The following CBLB variants were observed in gnomAD, a reference collection of about 807,000 sequenced individuals.
The protein encoded by CBLB is Cbl proto-oncogene B, also known as E3 ubiquitin-protein ligase CBL-B.
Under a neutral mutation model 104.9 loss-of-function variants are expected in CBLB, and 31 were observed. That is an observed-to-expected ratio of 0.30 (90% CI 0.22 to 0.40). The LOEUF is 0.40. Among genes scored for constraint, CBLB ranks in the 10% least tolerant of loss-of-function variants. The probability of loss-of-function intolerance (pLI) is 1.00; values close to 1 mark genes in which losing one functional copy is unlikely to be tolerated. For synonymous variants in CBLB, 440 were observed against 422.6 expected, an observed-to-expected ratio of 1.04 and a Z score of -0.51; for missense variants, 1,062 against 1,214.6, an observed-to-expected ratio of 0.87 and a Z score of 1.87.
At chr3:105,808,621 T>C (rs964498297) in intron 3 of CBLB, among the ~76,000 whole-genome samples, 4 of 152,204 alleles carry the variant, frequency 2.6e-5, no homozygotes, top group African/African-American at 9.6e-5. Context: ...CTGTTCCTTG[T>C]AGATAACAAA....
chr3:105,787,762 T>C (rs1247258334), intron 3 of CBLB, among the ~76,000 whole-genome samples: 2 of 152,222 alleles, frequency 1.3e-5, no homozygotes, highest in South Asian at 2.1e-4. Flanking sequence ...TTAGTATATT[T>C]GAAAGCCTTG....
At chr3:105,790,774 A>G (rs1482495374) in intron 3 of CBLB, among the ~76,000 whole-genome samples, 1 of 152,226 alleles carries the variant, frequency 6.6e-6, no homozygotes, top group Non-Finnish European at 1.5e-5. Context: ...AGATGAAGGC[A>G]TACAGATGTA....
At chr3:105,785,212 A>T (rs2080833942) in intron 3 of CBLB, among the ~76,000 whole-genome samples, 1 of 152,220 alleles carries the variant, frequency 6.6e-6, no homozygotes, top group Non-Finnish European at 1.5e-5. Context: ...CAAAGATTAT[A>T]AAAAATATTT....
chr3:105,694,360 G>T (rs1379428797), intron 12 of CBLB, among the ~76,000 whole-genome samples: 1 of 151,850 alleles, frequency 6.6e-6, no homozygotes, highest in Non-Finnish European at 1.5e-5. Flanking sequence ...GTTATGAGAG[G>T]ATAATTTTGC....
intron 4 of CBLB, among the ~76,000 whole-genome samples, chr3:105,752,470 C>T (rs1208051509): frequency 2.0e-5 from 3 of 152,088 alleles, no homozygotes; most frequent in East Asian, 3.9e-4. Flanking sequence ...ATTCCTAATT[C>T]GGCAGAAGAA....
chr3:105,676,364 T>C (rs918509705), intron 17 of CBLB, among the ~76,000 whole-genome samples: 1 of 152,162 alleles, frequency 6.6e-6, no homozygotes, highest in Non-Finnish European at 1.5e-5. Flanking sequence ...AACTAAAACC[T>C]TTTACAATTC....
rs2065077155 is a variant in CBLB at position 105,671,678 on chromosome 3, G to A, written c.2570-1326C>T. ...TTAAATATTGACTATTTTTATATTA[G>A]TTTTTGACTGGATAATGTAAGGCAG... On this transcript the variant is annotated intron_variant, in intron 17 of 18. Transcript: ENST00000394030. 3 of 204,234 alleles carry A rather than the reference G, an allele frequency of 1.5e-5. No homozygotes were observed. The Admixed American group carries it at 1.8e-4, about 12-fold the overall frequency. 12.7% of individuals were successfully genotyped at this position (204,234 alleles called of 1,614,324 possible). A position where few individuals can be genotyped will look rare whatever the true frequency, so the allele number is the denominator to read the frequency against.
chr3:105,711,855 A>G (rs1011045047), intron 10 of CBLB, among the ~76,000 whole-genome samples: 2 of 152,146 alleles, frequency 1.3e-5, no homozygotes, highest in African/African-American at 4.8e-5. Context: ...ATTACTGTCT[A>G]TGTTCCACTA....
chr3:105,745,004 A>T lies in CBLB; in HGVS notation c.845+913T>A, dbSNP rs200361923. On this transcript the variant is annotated intron_variant, in intron 6 of 18. Coordinates refer to ENST00000394030, the MANE Select transcript of CBLB (RefSeq NM_170662.5). ...TATATACACCATAAACCAAATAAAA[A>T]TGATACTAGAAAAAAAAGGCAGTCT... Among the ~76,000 whole-genome samples the T allele has an allele frequency of 2.4e-3, 361 of 152,166 alleles. 6 individuals are homozygous for T. In the East Asian group the frequency reaches 0.044, roughly 19 times the overall value.
chr3:105,699,858 A>G (rs1447727632), intron 12 of CBLB, among the ~76,000 whole-genome samples: 1 of 152,188 alleles, frequency 6.6e-6, no homozygotes, highest in Non-Finnish European at 1.5e-5. Flanking sequence ...TCAGAAGTCT[A>G]ATTTTGGTTG....
intron 3 of CBLB, among the ~76,000 whole-genome samples, chr3:105,820,696 A>G (rs1390001894): frequency 6.6e-6 from 1 of 152,192 alleles, no homozygotes; most frequent in African/African-American, 2.4e-5. Context: ...AACCTCAAAG[A>G]GCACAGAAAG....
At chr3:105,862,946 C>G (rs559775508) in intron 2 of CBLB, among the ~76,000 whole-genome samples, 19 of 152,274 alleles carry the variant, frequency 1.2e-4, no homozygotes, top group African/African-American at 4.6e-4. Flanking sequence ...TTTATTTATA[C>G]TACCTTAAAG....
intron 3 of CBLB, among the ~76,000 whole-genome samples, chr3:105,786,967 G>A (rs1402156076): frequency 6.6e-6 from 1 of 152,136 alleles, no homozygotes; most frequent in Non-Finnish European, 1.5e-5. Flanking sequence ...CATGATAACA[G>A]TTCAAGAGAA....
intron 6 of CBLB, among the ~76,000 whole-genome samples, chr3:105,743,135 C>A (rs914036137): frequency 1.3e-5 from 2 of 152,218 alleles, no homozygotes; most frequent in South Asian, 2.1e-4. Flanking sequence ...ATTTTTAGCA[C>A]CTTGCTCTCT....
chr3:105,739,753 G>A (rs1391632021), intron 7 of CBLB, among the ~76,000 whole-genome samples: 1 of 152,072 alleles, frequency 6.6e-6, no homozygotes, highest in Admixed American at 6.5e-5. Context: ...GAAAAGGGGT[G>A]GAGGGAGAAA....
At chr3:105,839,725 T>C (rs1242726863) in intron 3 of CBLB, among the ~76,000 whole-genome samples, 1 of 152,232 alleles carries the variant, frequency 6.6e-6, no homozygotes, top group Non-Finnish European at 1.5e-5. Flanking sequence ...GAAAATTTAC[T>C]CACAGAAGGA....
chr3:105,836,921 A>G (rs113010548), intron 3 of CBLB, among the ~76,000 whole-genome samples: 192 of 151,984 alleles, frequency 1.3e-3, no homozygotes, highest in Admixed American at 3.0e-3. Flanking sequence ...AAAATATCTC[A>G]GATGTCCCTC....
chr3:105,809,895 G>GA (rs2153036630), intron 3 of CBLB, among the ~76,000 whole-genome samples: 1 of 152,038 alleles, frequency 6.6e-6, no homozygotes, highest in East Asian at 1.9e-4. Context: ...AATTCAGTGA[G>GA]AAAAAAAGAT....
chr3:105,739,875 C>A (rs111482396), intron 7 of CBLB, among the ~76,000 whole-genome samples: 2 of 152,066 alleles, frequency 1.3e-5, no homozygotes, highest in Non-Finnish European at 2.9e-5. Flanking sequence ...GAGGCCGAGG[C>A]GGGTGGATCA....
Sources: gnomAD v4.1 joint callset for allele counts (sites outside exome capture counted in the v4.1 genomes callset) on GRCh38, gnomAD v4.1.1 for gene constraint, MANE v1.5 for transcripts, NCBI Gene and HGNC (gene_info 2026-07-23, HGNC 2026-07-21) for gene names.